The following ARHGAP26 variants were observed in gnomAD, a reference collection of about 807,000 sequenced individuals.
ARHGAP26 encodes rho GTPase-activating protein 26.
Under a neutral mutation model 104.8 loss-of-function variants are expected in ARHGAP26, and 38 were observed. The ratio of observed to expected loss-of-function variants is 0.36; its 90% CI spans 0.28 to 0.48. ARHGAP26 has a LOEUF of 0.48. Among genes scored for constraint, ARHGAP26 ranks in the 20% least tolerant of loss-of-function variants. The pLI is 0.99. For synonymous variants in ARHGAP26, 341 were observed against 340.0 expected (o/e 1.00, Z -0.03); for missense variants, 704 against 947.9 (o/e 0.74, Z 3.38).
chr5:143,008,657 T>C lies in ARHGAP26; in HGVS notation c.1108-5423T>C, dbSNP rs200996861. ...CTATTTCCCCAGCATCTTTATTTTG[T>C]CCAGATTTTGATCCAAAGTGTGGTA... On this transcript the variant is annotated intron_variant, in intron 11 of 22. Coordinates refer to ENST00000645722, the MANE Select transcript of ARHGAP26 (RefSeq NM_001135608.3). Among the ~76,000 whole-genome samples, 3 of 152,214 alleles carry C rather than the reference T, an allele frequency of 2.0e-5. No homozygotes were observed. The East Asian group carries it at 5.8e-4, about 29-fold the overall frequency.
At chr5:143,029,830 G>T (rs942859769) in intron 12 of ARHGAP26, among the ~76,000 whole-genome samples, 1 of 152,050 alleles carries the variant, frequency 6.6e-6, no homozygotes, top group Non-Finnish European at 1.5e-5. Context: ...ATTTCCTGGG[G>T]AAAAAATTCA....
At chr5:142,918,353 G>T (rs147943503) in intron 10 of ARHGAP26, among the ~76,000 whole-genome samples, 4 of 152,046 alleles carry the variant, frequency 2.6e-5, no homozygotes. Flanking sequence ...CACCATGTTG[G>T]CCAGGCTGGT....
At chr5:143,109,558 C>T (rs1222221055) in intron 17 of ARHGAP26, among the ~76,000 whole-genome samples, 1 of 151,938 alleles carries the variant, frequency 6.6e-6, no homozygotes, top group African/African-American at 2.4e-5. Context: ...GGGTTCAAGC[C>T]ATTCTTCTGC....
intron 11 of ARHGAP26, chr5:142,969,514 A>G (rs1368298334): frequency 2.0e-5 from 3 of 152,292 alleles, no homozygotes; most frequent in East Asian, 1.9e-4. Flanking sequence ...GCTTGATTTT[A>G]TGTTGGCCTG....
intron 1 of ARHGAP26, among the ~76,000 whole-genome samples, chr5:142,839,766 A>C (rs537054025): frequency 1.1e-3 from 168 of 152,314 alleles, no homozygotes; most frequent in African/African-American, 3.9e-3. Flanking sequence ...ATGGATGGTT[A>C]AGGGAGAAAG....
rs150380207 is a variant in ARHGAP26 at position 143,227,894 on chromosome 5, A to G, written c.*5448A>G. The G allele has an allele frequency of 9.7e-4, 216 of 222,112 alleles. No homozygotes were observed. Among genetic ancestry groups the G allele is most frequent in the Non-Finnish European group, 1.7e-3 (193 of 111,084 alleles). The allele number at this position is 222,112 out of a possible 1,614,324, so 13.8% of individuals were successfully genotyped here. ...GCGATCACAGAAAAATTTCACAGCT[A>G]ATATTTTTACAAAAGTTGTGCCAGA... On this transcript the variant is annotated 3_prime_UTR_variant, in exon 23 of 23. Coordinates refer to ENST00000645722, the MANE Select transcript of ARHGAP26 (RefSeq NM_001135608.3).
At chr5:142,874,427 A>G (rs1261302630) in intron 2 of ARHGAP26, among the ~76,000 whole-genome samples, 1 of 152,204 alleles carries the variant, frequency 6.6e-6, no homozygotes, top group Non-Finnish European at 1.5e-5. Context: ...AGTACAGGCA[A>G]TTGGGAGACA....
chr5:142,822,829 A>T (rs545746220), intron 1 of ARHGAP26, among the ~76,000 whole-genome samples: 1 of 152,196 alleles, frequency 6.6e-6, no homozygotes, highest in East Asian at 1.9e-4. Flanking sequence ...TGAAGGCTAA[A>T]CCCCATATTA....
At chr5:142,830,346 TG>T (rs1768149482) in intron 1 of ARHGAP26, among the ~76,000 whole-genome samples, 1 of 152,212 alleles carries the variant, frequency 6.6e-6, no homozygotes, top group Admixed American at 6.5e-5. Flanking sequence ...TTAGTGCAAT[TG>T]AGAGTGACTA....
intron 17 of ARHGAP26, among the ~76,000 whole-genome samples, chr5:143,073,578 T>C (rs1398824577): frequency 6.6e-6 from 1 of 152,162 alleles, no homozygotes; most frequent in African/African-American, 2.4e-5. Context: ...AGGCAAGAGG[T>C]TCTAATCCTG....
At chr5:142,822,192 C>A (rs1561900852) in intron 1 of ARHGAP26, among the ~76,000 whole-genome samples, 1 of 152,026 alleles carries the variant, frequency 6.6e-6, no homozygotes, top group African/African-American at 2.4e-5. Flanking sequence ...ATCTTTCTAT[C>A]ACACTAACTG....
chr5:142,780,983 A>C (rs974590941), intron 1 of ARHGAP26, among the ~76,000 whole-genome samples: 9 of 152,220 alleles, frequency 5.9e-5, no homozygotes, highest in Non-Finnish European at 1.3e-4. Context: ...TCTCTGTTCC[A>C]GCTCCTGTTG....
chr5:143,056,084 C>T lies in ARHGAP26; in HGVS notation c.1430C>T (p.Ala477Val). 1.9e-6 allele frequency: 3 copies of T among 1,612,466 alleles called. No homozygotes were observed. The highest frequency in any genetic ancestry group is 2.5e-6 in the Non-Finnish European group (3 of 1,178,918). Residue 477 changes from alanine (A) to valine (V), a missense_variant and splice_region_variant, in exon 16 of 23, where the codon GCA becomes GTA. Coordinates refer to ENST00000645722, the MANE Select transcript of ARHGAP26 (RefSeq NM_001135608.3). ...YQFQRSFIKA[A>V]KLENQESRVS... The stretch of plus-strand genomic sequence containing the variant: ...TTTCAAAGAAGTTTCATCAAAGCAG[C>T]AAGTAAGTCTTTTTTGTCTCAGTTT...
chr5:143,159,386 A>G (rs1800914450), intron 20 of ARHGAP26, among the ~76,000 whole-genome samples: 1 of 152,250 alleles, frequency 6.6e-6, no homozygotes, highest in African/African-American at 2.4e-5. Context: ...ATAGCTATCA[A>G]TAAAGGACGG....
At chr5:143,133,528 G>A (rs1001572092) in intron 18 of ARHGAP26, among the ~76,000 whole-genome samples, 6 of 152,206 alleles carry the variant, frequency 3.9e-5, no homozygotes, top group Non-Finnish European at 8.8e-5. Context: ...ATGTTTCACA[G>A]TTTAAGAAAG....
chr5:142,820,097 G>A (rs533202023), intron 1 of ARHGAP26, among the ~76,000 whole-genome samples: 4 of 152,312 alleles, frequency 2.6e-5, no homozygotes, highest in Admixed American at 2.6e-4. Context: ...TCCTTCCCCA[G>A]AGATTTTGAT....
chr5:142,865,887 A>G (rs79108842), intron 1 of ARHGAP26, among the ~76,000 whole-genome samples: 2,382 of 152,246 alleles, frequency 0.016, 32 homozygotes, highest in Middle Eastern at 0.027. Context: ...TTTTCTGGGT[A>G]GGTTCTGCAT....
intron 1 of ARHGAP26, among the ~76,000 whole-genome samples, chr5:142,780,363 A>C (rs934433577): frequency 6.6e-6 from 1 of 152,258 alleles, no homozygotes; most frequent in Non-Finnish European, 1.5e-5. Context: ...CCTAGAAATG[A>C]AACTGCTGGA....
At position 143,167,304 on chromosome 5, in the gene ARHGAP26, C is replaced by G. The variant is rs1329867007; in HGVS notation, c.1988+19923C>G. ...CAGCATTGTTGAAACCTCATCTCTA[C>G]TTTAAAAAAAAAAAAAAAAAAAAAA... On this transcript the variant is annotated intron_variant, in intron 20 of 22. Coordinates refer to ENST00000645722, the MANE Select transcript of ARHGAP26 (RefSeq NM_001135608.3). 2.9e-5 allele frequency among the ~76,000 whole-genome samples: 3 copies of G among 104,600 alleles called. No individual in the cohort carries two copies. In the East Asian group the frequency reaches 9.4e-4, roughly 33 times the overall value. 68.6% of individuals were successfully genotyped at this position (104,600 alleles called of 152,430 possible).
Sources: allele counts gnomAD v4.1 joint callset (sites outside exome capture counted in the v4.1 genomes callset), GRCh38; gene constraint gnomAD v4.1.1; transcripts MANE v1.5; gene names NCBI Gene and HGNC (gene_info 2026-07-23, HGNC 2026-07-21).